Variants in GSK3B observed in about 807,000 individuals in gnomAD.
The protein encoded by GSK3B is glycogen synthase kinase-3 beta.
Under a neutral mutation model 56.4 loss-of-function variants are expected in GSK3B, and 15 were observed. The ratio of observed to expected loss-of-function variants is 0.27; its 90% confidence interval spans 0.18 to 0.41. The LOEUF (loss-of-function observed/expected upper bound fraction) is 0.41, where lower values mean the gene tolerates loss of function less well. Among genes scored for constraint, GSK3B ranks in the 10% least tolerant of loss-of-function variants. The pLI is 1.00. For missense variants in GSK3B, 300 were observed against 513.4 expected, an observed-to-expected ratio of 0.58 and a Z score of 4.02; for synonymous variants, 181 against 188.9, an observed-to-expected ratio of 0.96 and a Z score of 0.34.
chr3:119,981,710 C>T (rs906901018), intron 2 of GSK3B, among the ~76,000 whole-genome samples: 3 of 152,240 alleles, frequency 2.0e-5, no homozygotes, highest in African/African-American at 7.2e-5. Flanking sequence ...CTGGGCAGAG[C>T]CCACCACAGC....
chr3:120,022,576 A>G (rs887894851), intron 1 of GSK3B, among the ~76,000 whole-genome samples: 2 of 152,186 alleles, frequency 1.3e-5, no homozygotes, highest in African/African-American at 4.8e-5. Context: ...AGAGAGAGAG[A>G]GGAAAAGAAA....
intron 3 of GSK3B, among the ~76,000 whole-genome samples, chr3:119,940,555 G>A (rs911386523): frequency 5.9e-5 from 9 of 152,102 alleles, no homozygotes; most frequent in African/African-American, 1.9e-4. Context: ...TGGTATTAGG[G>A]AAGGTTAATG....
At position 120,088,595 on chromosome 3, in the gene GSK3B, C is replaced by T. The variant is rs942817354; in HGVS notation, c.88+4752G>A. ...TCTGAACAATGAAAATGCTTTTATT[C>T]TTGAAATCGGGGAAAACTCCCCTTC... is the stretch of plus-strand genomic sequence containing the variant. On this transcript the variant is annotated intron_variant, in intron 1 of 10. Transcript: ENST00000264235. 3.3e-5 allele frequency among the ~76,000 whole-genome samples: 5 copies of T among 152,172 alleles called. No homozygotes were observed. The East Asian group carries it at 7.7e-4, about 23-fold the overall frequency.
In GSK3B at chr3:119,992,755, A is replaced by C. The variant is rs1421407124; in HGVS notation, c.282+9291T>G. Among the ~76,000 whole-genome samples the C allele has an allele frequency of 3.3e-5, 5 of 152,118 alleles. No homozygotes were observed. The East Asian group carries it at 7.7e-4, about 23-fold the overall frequency. On this transcript the variant is annotated intron_variant, in intron 2 of 10. Coordinates refer to ENST00000264235, the MANE Select transcript of GSK3B (RefSeq NM_001146156.2). ...GGGAAAAATCAAAATCACATTTTTA[A>C]AATGGACCAAAAAAAGGACAATTCA... is the stretch of plus-strand genomic sequence containing the variant.
At chr3:119,984,542 G>A (rs538122256) in intron 2 of GSK3B, among the ~76,000 whole-genome samples, 45 of 152,136 alleles carry the variant, frequency 3.0e-4, no homozygotes, top group African/African-American at 9.9e-4. Context: ...TATCACCACC[G>A]ATCCCACAGA....
At chr3:119,976,280 C>T (rs985721157) in intron 2 of GSK3B, among the ~76,000 whole-genome samples, 1 of 152,084 alleles carries the variant, frequency 6.6e-6, no homozygotes, top group African/African-American at 2.4e-5. Context: ...CACAAATATT[C>T]ATAGTAGCAT....
chr3:119,971,711 A>G (rs2107516007), intron 2 of GSK3B, among the ~76,000 whole-genome samples: 1 of 131,138 alleles, frequency 7.6e-6, no homozygotes, highest in Middle Eastern at 4.9e-3. Context: ...TCCCGGGTTC[A>G]CGCCATTCTC....
chr3:119,871,898 G>C (rs1369501469), intron 8 of GSK3B, among the ~76,000 whole-genome samples: 5 of 152,134 alleles, frequency 3.3e-5, no homozygotes, highest in African/African-American at 1.2e-4. Context: ...CCTTAGGATT[G>C]TAATCTACTT....
At chr3:119,886,291 T>G (rs1385857433) in intron 7 of GSK3B, among the ~76,000 whole-genome samples, 1 of 151,862 alleles carries the variant, frequency 6.6e-6, no homozygotes, top group East Asian at 1.9e-4. Flanking sequence ...ATGAAAAAAA[T>G]GCTTCACATC....
chr3:119,975,634 A>G (rs1422215893), intron 2 of GSK3B, among the ~76,000 whole-genome samples: 1 of 152,222 alleles, frequency 6.6e-6, no homozygotes, highest in Non-Finnish European at 1.5e-5. Context: ...AGTAGGTGTT[A>G]TTCAGGAAAT....
At chr3:120,014,132 C>CAAAA (rs886541816) in intron 1 of GSK3B, among the ~76,000 whole-genome samples, 1 of 77,476 alleles carries the variant, frequency 1.3e-5, no homozygotes, top group African/African-American at 4.4e-5. Context: ...GAGACTCTGT[C>CAAAA]AAAAAAAAAA....
chr3:119,889,196 G>C (rs779173641), intron 7 of GSK3B, among the ~76,000 whole-genome samples: 2 of 152,102 alleles, frequency 1.3e-5, no homozygotes, highest in East Asian at 3.9e-4. Flanking sequence ...TTGCAGCTCA[G>C]GTGGGCATCA....
At chr3:120,070,082 G>A (rs1159726805) in intron 1 of GSK3B, among the ~76,000 whole-genome samples, 1 of 151,932 alleles carries the variant, frequency 6.6e-6, no homozygotes, top group African/African-American at 2.4e-5. Flanking sequence ...GTGTGGTGGT[G>A]TGTGCCTGTA....
chr3:120,002,493 C>T (rs773122353), intron 1 of GSK3B, among the ~76,000 whole-genome samples: 1 of 151,966 alleles, frequency 6.6e-6, no homozygotes, highest in African/African-American at 2.4e-5. Context: ...CACCTGCCAC[C>T]ACGTCTGGCT....
Position 119,826,353 on chromosome 3 carries a change from A to G in GSK3B, c.*435T>C. ...CCCAACCAATTTCAAGCTGTGCACTATACCAAAGTCTCACACTAGACTTTA... is the reference window on the plus strand; with the variant it reads ...CCCAACCAATTTCAAGCTGTGCACTGTACCAAAGTCTCACACTAGACTTTA... On this transcript the variant is annotated 3_prime_UTR_variant, in exon 11 of 11. Coordinates refer to ENST00000264235, the MANE Select transcript of GSK3B (RefSeq NM_001146156.2). The G allele has an allele frequency of 2.5e-6, 1 of 397,228 alleles. No homozygotes were observed. The highest frequency in any genetic ancestry group is 4.7e-6 in the Non-Finnish European group (1 of 214,278). The allele number at this position is 397,228 out of a possible 1,614,324, so 24.6% of individuals were successfully genotyped here.
chr3:120,094,342 C>T lies in GSK3B; in HGVS notation c.-908G>A, dbSNP rs1398401651. Reference sequence around the variant, plus strand: ...CAGAGCCCTGTCAGCGGCTGCGGGGCCGGCTCCTCCTCGCTTCCTTCCTTC... The same window carrying T: ...CAGAGCCCTGTCAGCGGCTGCGGGGTCGGCTCCTCCTCGCTTCCTTCCTTC... On this transcript the variant is annotated 5_prime_UTR_variant, in exon 1 of 11. Transcript: ENST00000264235. 7.0e-6 allele frequency: 2 copies of T among 287,396 alleles called. No individual in the cohort carries two copies. The highest frequency in any genetic ancestry group is 2.2e-5 in the African/African-American group (1 of 45,118). 17.8% of individuals were successfully genotyped at this position (287,396 alleles called of 1,614,324 possible). A position where few individuals can be genotyped will look rare whatever the true frequency, so the allele number is the denominator to read the frequency against.
chr3:119,874,354 AGAGGT>A (rs2056283194), intron 8 of GSK3B, among the ~76,000 whole-genome samples: 1 of 152,124 alleles, frequency 6.6e-6, no homozygotes, highest in Non-Finnish European at 1.5e-5. Context: ...AGGCACAGTA[AGAGGT>A]TAACAACAAT....
At position 119,999,893 on chromosome 3, in the gene GSK3B, C is replaced by T. The variant is rs141460876; in HGVS notation, c.282+2153G>A. ...AAATGGAAGACTATGGAAGTTTCTG[C>T]GTACACAAGTAAACTAGGCAGGTTT... is the stretch of plus-strand genomic sequence containing the variant. On this transcript the variant is annotated intron_variant, in intron 2 of 10. Coordinates refer to ENST00000264235, the MANE Select transcript of GSK3B (RefSeq NM_001146156.2). Among the ~76,000 whole-genome samples, 8 of 152,198 alleles carry T rather than the reference C, an allele frequency of 5.3e-5. No individual in the cohort carries two copies. The East Asian group carries it at 5.8e-4, about 11-fold the overall frequency.
intron 8 of GSK3B, among the ~76,000 whole-genome samples, chr3:119,871,310 C>A (rs1192677603): frequency 1.3e-5 from 2 of 152,136 alleles, no homozygotes; most frequent in African/African-American, 4.8e-5. Flanking sequence ...TTTAGGAAAT[C>A]AAGTATGCAA....
Sources: allele counts gnomAD v4.1 joint callset (sites outside exome capture counted in the v4.1 genomes callset), GRCh38; gene constraint gnomAD v4.1.1; transcripts MANE v1.5; gene names NCBI Gene and HGNC (gene_info 2026-07-23, HGNC 2026-07-21).